Variants in DNMBP observed in about 807,000 individuals in gnomAD.
The protein encoded by DNMBP is dynamin binding protein.
In DNMBP, 87 loss-of-function variants were observed where a neutral mutation model predicts 150.0. The observed-to-expected ratio is 0.58, with a 90% CI of 0.49 to 0.69. The LOEUF is 0.69. Among genes scored for constraint, DNMBP ranks in the 30% least tolerant of loss-of-function variants. DNMBP has a pLI of 0.00. For missense variants in DNMBP, 1,774 were observed against 1,949.0 expected, an observed-to-expected ratio of 0.91 and a Z score of 1.69; for synonymous variants, 711 against 750.4, an observed-to-expected ratio of 0.95 and a Z score of 0.86.
chr10:99,952,099 T>C (rs1215433171), intron 4 of DNMBP, among the ~76,000 whole-genome samples: 1 of 152,154 alleles, frequency 6.6e-6, no homozygotes, highest in African/African-American at 2.4e-5. Flanking sequence ...GGAGTCTCCC[T>C]ACACAAACTC....
At chr10:99,887,177 C>T (rs142072528) in intron 12 of DNMBP, among the ~76,000 whole-genome samples, 9 of 151,970 alleles carry the variant, frequency 5.9e-5, no homozygotes, top group African/African-American at 9.7e-5. Context: ...CAGCCTCAGC[C>T]TCCCAAGAAG....
In DNMBP at chr10:99,888,948, G is replaced by C; in HGVS notation, c.3162C>G (p.Ser1054=). The C allele has an allele frequency of 6.2e-7, 1 of 1,613,968 alleles. No individual in the cohort carries two copies. Among genetic ancestry groups the C allele is most frequent in the Non-Finnish European group, 8.5e-7 (1 of 1,179,970 alleles). The change falls in exon 12 of 17, where the codon TCC becomes TCG. Residue 1054 remains serine, a synonymous_variant. Transcript: ENST00000324109. The stretch of plus-strand genomic sequence containing the variant: ...CAGCAGCCACCACTTTCACACATGC[G>C]GACTCCTGGAGCCAGTTAGGACAGA... ...LSLYLQHIRE[S]ACVKVVAAVS...
In DNMBP at chr10:99,955,403, A is replaced by G; in HGVS notation, c.2071T>C (p.Cys691Arg). 6.2e-7 allele frequency: 1 copy of G among 1,614,158 alleles called. No homozygotes were observed. The highest frequency in any genetic ancestry group is 8.5e-7 in the Non-Finnish European group (1 of 1,180,024). ...TCAATCCTCACCAGCACTAAGGGGC[A>G]TGGGGAGGTCTGGTCCAGACTCCTT... ...MGRSLDQTSP[C>R]PLVLVRIEEM... Residue 691 changes from cysteine (C) to arginine (R), a missense_variant, in exon 4 of 17, where the codon TGC becomes CGC. Around this residue, in one of 2 missense-constraint regions of DNMBP, gnomAD observed 1,430 missense variants for 1,492.5 expected, o/e 0.96. Transcript: ENST00000324109.
chr10:99,969,290 T>C, intron 2 of DNMBP, 53 bp from the exon 3 acceptor site: 1 of 1,605,646 alleles, frequency 6.2e-7, no homozygotes, highest in Non-Finnish European at 8.5e-7. Context: ...TCTTTTCCCG[T>C]CTGTGTACAA....
intron 15 of DNMBP, 127 bp from the exon 16 acceptor site, chr10:99,880,488 C>G (rs1247073176): frequency 7.7e-7 from 1 of 1,303,112 alleles, no homozygotes; most frequent in Non-Finnish European, 1.0e-6. Flanking sequence ...AACAAAAACT[C>G]AAAAGCCAGG....
rs1192601845 is a variant in DNMBP, at chr10:99,922,511, T to G, written c.2261-13365A>C. ...TAACCTAGCTGCTGCTGTTTTTTTT[T>G]TTTTTTTTTTTTTCTTAAAAAAAAA... On this transcript the variant is annotated intron_variant, in intron 4 of 16. Coordinates refer to ENST00000324109, the MANE Select transcript of DNMBP (RefSeq NM_015221.4). 7.0e-5 allele frequency among the ~76,000 whole-genome samples: 7 copies of G among 99,782 alleles called. No individual in the cohort carries two copies. The East Asian group carries it at 9.8e-4, about 14-fold the overall frequency. The allele number at this position is 99,782 out of a possible 152,430, so 65.5% of individuals were successfully genotyped here. A position where few individuals can be genotyped will look rare whatever the true frequency, so the allele number is the denominator to read the frequency against.
At chr10:99,983,499 C>G (rs2040799345) in intron 1 of DNMBP, among the ~76,000 whole-genome samples, 1 of 152,224 alleles carries the variant, frequency 6.6e-6, no homozygotes, top group Non-Finnish European at 1.5e-5. Flanking sequence ...GGTCAGCAGT[C>G]ACAGCCAGGT....
intron 4 of DNMBP, among the ~76,000 whole-genome samples, chr10:99,939,697 T>C (rs185713481): frequency 7.9e-5 from 12 of 152,372 alleles, no homozygotes; most frequent in Admixed American, 3.9e-4. Context: ...TGCTAAGATA[T>C]AGACATAAAG....
In DNMBP at chr10:99,955,326, GTTTAGCTCTTC is replaced by G; in HGVS notation, c.2137_2147del (p.Glu713ProfsTer9). The stretch of plus-strand genomic sequence containing the variant: ...CATCCTGCTTCTCCTCCAGCATGAG[GTTTAGCTCTTC>G]TTGAGCTCTACTGTACATATCCAAG... On this transcript the variant is annotated frameshift_variant, in exon 4 of 17. Coordinates refer to ENST00000324109, the MANE Select transcript of DNMBP (RefSeq NM_015221.4). LOFTEE classifies it high-confidence loss of function. 6.2e-7 allele frequency: 1 copy of G among 1,614,134 alleles called. No individual in the cohort carries two copies. Among genetic ancestry groups the G allele is most frequent in the Non-Finnish European group, 8.5e-7 (1 of 1,180,010 alleles).
intron 12 of DNMBP, 45 bp from the exon 13 acceptor site, chr10:99,886,677 A>C: frequency 6.4e-7 from 1 of 1,557,014 alleles, no homozygotes; most frequent in Non-Finnish European, 8.7e-7. Flanking sequence ...ACAGCATCCC[A>C]CATTTGTGAT....
At chr10:99,981,866 G>A (rs780264117) in intron 1 of DNMBP, among the ~76,000 whole-genome samples, 8 of 152,136 alleles carry the variant, frequency 5.3e-5, no homozygotes, top group Non-Finnish European at 1.0e-4. Context: ...AGTTGGCTGC[G>A]TTGCTCTATT....
intron 1 of DNMBP, among the ~76,000 whole-genome samples, chr10:99,990,817 A>T (rs1481243970): frequency 8.0e-6 from 1 of 124,710 alleles, no homozygotes; most frequent in East Asian, 2.4e-4. Context: ...ACACATATAT[A>T]TATATACACA....
intron 4 of DNMBP, among the ~76,000 whole-genome samples, chr10:99,922,844 A>C (rs994128130): frequency 6.6e-6 from 1 of 152,148 alleles, no homozygotes; most frequent in African/African-American, 2.4e-5. Flanking sequence ...ATGGCCCTGC[A>C]TTCATTTCCT....
intron 4 of DNMBP, chr10:99,914,019 T>A: frequency 6.6e-7 from 1 of 1,508,980 alleles, no homozygotes; most frequent in African/African-American, 1.4e-5. Flanking sequence ...GGACAGAATC[T>A]TCCCAGAGCT....
At chr10:99,891,828 C>A (rs1301923233) in intron 11 of DNMBP, among the ~76,000 whole-genome samples, 2 of 151,220 alleles carry the variant, frequency 1.3e-5, no homozygotes, top group African/African-American at 4.9e-5. Context: ...CCCCGCCGCC[C>A]CATCTGGGAT....
At chr10:99,950,729 T>A (rs2040411742) in intron 4 of DNMBP, among the ~76,000 whole-genome samples, 1 of 152,098 alleles carries the variant, frequency 6.6e-6, no homozygotes, top group African/African-American at 2.4e-5. Flanking sequence ...GCAGAAAAAA[T>A]TTCTAAGCAG....
intron 9 of DNMBP, 144 bp from the exon 10 acceptor site, chr10:99,896,541 GAC>G (rs1417471619): frequency 2.5e-6 from 2 of 810,246 alleles, no homozygotes; most frequent in Non-Finnish European, 4.0e-6. Flanking sequence ...ATGATTTATG[GAC>G]AGACATGATA....
At chr10:99,998,104 G>A (rs10430623) in intron 1 of DNMBP, among the ~76,000 whole-genome samples, 86,771 of 150,326 alleles carry the variant, frequency 0.58, 27,207 homozygotes, top group African/African-American at 0.84. Context: ...GCGTGGTGGC[G>A]CACACCTGTA....
chr10:99,877,439 G>GGATGT, intron 16 of DNMBP, 103 bp from the exon 17 acceptor site: 3 of 843,302 alleles, frequency 3.6e-6, no homozygotes, highest in Non-Finnish European at 5.5e-6. Flanking sequence ...GCCCACATGT[G>GGATGT]GCTACTGAGC....
Sources: allele counts gnomAD v4.1 joint callset (sites outside exome capture counted in the v4.1 genomes callset), GRCh38; gene constraint gnomAD v4.1.1; regional missense constraint gnomAD v4.1.1; transcripts MANE v1.5; gene names NCBI Gene and HGNC (gene_info 2026-07-23, HGNC 2026-07-21).